GGCT: variants seen among roughly 807,000 people sequenced by gnomAD.
GGCT encodes gamma-glutamylcyclotransferase.
In GGCT, 20 loss-of-function variants were observed where a neutral mutation model predicts 22.1. That is an observed-to-expected ratio of 0.91 (90% confidence interval 0.64 to 1.32). The LOEUF (loss-of-function observed/expected upper bound fraction) is 1.32, where lower values mean the gene tolerates loss of function less well. GGCT is among the 40% of genes most tolerant of loss of function. The pLI is 0.00. For missense variants in GGCT, 209 were observed against 223.5 expected, an observed-to-expected ratio of 0.94 and a Z score of 0.41; for synonymous variants, 72 against 78.4, an observed-to-expected ratio of 0.92 and a Z score of 0.43.
chr7:30,497,576 C>T, intron 3 of GGCT: 1 of 411,732 alleles, frequency 2.4e-6, no homozygotes, highest in Non-Finnish European at 4.2e-6. Context: ...TTAAAGTTTA[C>T]AGAGAGCAGT....
chr7:30,504,778 G>A lies in GGCT; in HGVS notation c.-69C>T, dbSNP rs532016598. On this transcript the variant is annotated 5_prime_UTR_variant, in exon 1 of 4. Transcript: ENST00000275428. ...GAACGGCCAGAGAGCGCAACACTGG[G>A]GCCCACTACCCCGGCGCAGTGACCG... The A allele has an allele frequency of 1.3e-5, 20 of 1,506,050 alleles. No individual in the cohort carries two copies. The highest frequency in any genetic ancestry group is 2.3e-5 in the East Asian group (1 of 44,094). The allele number at this position is 1,506,050 out of a possible 1,614,324, so 93.3% of individuals were successfully genotyped here. A position where few individuals can be genotyped will look rare whatever the true frequency, so the allele number is the denominator to read the frequency against.
In GGCT at chr7:30,504,796, A is replaced by G; in HGVS notation, c.-87T>C. ...ACACTGGGGCCCACTACCCCGGCGC[A>G]GTGACCGCCGCGCGGCAGCCTCAGG... is the stretch of plus-strand genomic sequence containing the variant. On this transcript the variant is annotated 5_prime_UTR_variant, in exon 1 of 4. Transcript: ENST00000275428. The G allele has an allele frequency of 2.2e-6, 3 of 1,368,726 alleles. No individual in the cohort carries two copies. The highest frequency in any genetic ancestry group is 2.8e-5 in the African/African-American group (2 of 70,518). The allele number at this position is 1,368,726 out of a possible 1,614,324, so 84.8% of individuals were successfully genotyped here.
rs968213508 is a variant in GGCT, at chr7:30,499,137, T to C, written c.288-199A>G. 14 of 584,004 alleles carry C rather than the reference T, an allele frequency of 2.4e-5. No homozygotes were observed. The East Asian group carries it at 2.9e-4, about 12-fold the overall frequency. 36.2% of individuals were successfully genotyped at this position (584,004 alleles called of 1,614,324 possible). A position where few individuals can be genotyped will look rare whatever the true frequency, so the allele number is the denominator to read the frequency against. ...AAGTAAGCTTAGCATTTAGGCTGGGTACGGTGGCTCACATCTGTAATCCCA... is the reference window on the plus strand; with the variant it reads ...AAGTAAGCTTAGCATTTAGGCTGGGCACGGTGGCTCACATCTGTAATCCCA... On this transcript the variant is annotated intron_variant, in intron 2 of 3. Transcript: ENST00000275428.
In GGCT at chr7:30,504,697, C is replaced by T. The variant is rs1272240500; in HGVS notation, c.13G>A (p.Gly5Ser). The change falls in exon 1 of 4, where the codon GGC (glycine) becomes AGC (serine). Residue 5 changes from glycine to serine, a missense_variant. Transcript: ENST00000275428. ...TCTGGACCCGTGACGTCCTTGCAGCCCGAGTTGGCCATATCCCACTACGCC... is the reference window on the plus strand; with the variant it reads ...TCTGGACCCGTGACGTCCTTGCAGCTCGAGTTGGCCATATCCCACTACGCC... MANS[G>S]CKDVTGPDEE... 5 of 1,614,112 alleles carry T rather than the reference C, an allele frequency of 3.1e-6. No individual in the cohort carries two copies. The highest frequency in any genetic ancestry group is 4.2e-6 in the Non-Finnish European group (5 of 1,179,958).
At chr7:30,499,761 G>A (rs189760260) in intron 2 of GGCT, among the ~76,000 whole-genome samples, 258 of 150,422 alleles carry the variant, frequency 1.7e-3, no homozygotes, top group Non-Finnish European at 3.1e-3. Flanking sequence ...GAAGGCCTGA[G>A]ACATAATATT....
chr7:30,500,797 T>A (rs182045199), intron 1 of GGCT, 116 bp from the exon 2 acceptor site: 285 of 713,804 alleles, frequency 4.0e-4, no homozygotes, highest in Middle Eastern at 1.2e-3. Flanking sequence ...ATAAACTGAG[T>A]TCCTTCTATG....
intron 1 of GGCT, 116 bp downstream of exon 1, chr7:30,504,453 T>C (rs1042356522): frequency 1.2e-5 from 15 of 1,233,166 alleles, no homozygotes; most frequent in Non-Finnish European, 1.6e-5. Flanking sequence ...AGCCGCGTCC[T>C]AGTACCCTCA....
rs538135886 is a variant in GGCT, at chr7:30,497,350, T to C, written c.424-115A>G. On this transcript the variant is annotated intron_variant, in intron 3 of 3. Coordinates refer to ENST00000275428, the MANE Select transcript of GGCT (RefSeq NM_024051.4). ...AAAGTATGAAGTATTAGCTTTCAGA[T>C]AACTCTAGAATAAACAATTATATAA... 4.4e-6 allele frequency: 3 copies of C among 683,712 alleles called. No homozygotes were observed. The Admixed American group carries it at 9.4e-5, about 21-fold the overall frequency. 42.4% of individuals were successfully genotyped at this position (683,712 alleles called of 1,614,324 possible). A position where few individuals can be genotyped will look rare whatever the true frequency, so the allele number is the denominator to read the frequency against.
chr7:30,498,614 T>A (rs1459562152), intron 3 of GGCT, among the ~76,000 whole-genome samples, 189 bp downstream of exon 3: 1 of 152,166 alleles, frequency 6.6e-6, no homozygotes, highest in East Asian at 1.9e-4. Context: ...AGATGAGGTT[T>A]CACCACGTTG....
chr7:30,500,784 T>A lies in GGCT; in HGVS notation c.142-103A>T. The A allele has an allele frequency of 4.9e-6, 4 of 808,558 alleles. 1 individual carries two copies. In the South Asian group the frequency reaches 5.3e-5, roughly 11 times the overall value. 50.1% of individuals were successfully genotyped at this position (808,558 alleles called of 1,614,324 possible). A position where few individuals can be genotyped will look rare whatever the true frequency, so the allele number is the denominator to read the frequency against. On this transcript the variant is annotated intron_variant, in intron 1 of 3. Coordinates refer to ENST00000275428, the MANE Select transcript of GGCT (RefSeq NM_024051.4). ...CTTGAACTCCATGCAATTAAAACAG[T>A]CAATAAACTGAGTTCCTTCTATGCA... is the stretch of plus-strand genomic sequence containing the variant.
chr7:30,504,028 G>A (rs978922900), intron 1 of GGCT, among the ~76,000 whole-genome samples: 1 of 152,116 alleles, frequency 6.6e-6, no homozygotes, highest in African/African-American at 2.4e-5. Context: ...TGAATGGACT[G>A]GGCTGAAGAG....
intron 3 of GGCT, 99 bp downstream of exon 3, chr7:30,498,704 C>T: frequency 1.9e-6 from 2 of 1,073,854 alleles, no homozygotes; most frequent in Non-Finnish European, 2.8e-6. Flanking sequence ...CAGGCATGAG[C>T]CACCACGTTG....
Position 30,496,947 on chromosome 7 carries a change from A to T in GGCT, c.*145T>A. ...TCCCAGTTTCTTTTTATAGTCTAAA[A>T]ACAAGGAATCACCCAAGTAAGATAC... On this transcript the variant is annotated 3_prime_UTR_variant, in exon 4 of 4. Coordinates refer to ENST00000275428, the MANE Select transcript of GGCT (RefSeq NM_024051.4). 1 of 506,210 alleles carries T rather than the reference A, an allele frequency of 2.0e-6. No homozygotes were observed. Among genetic ancestry groups the T allele is most frequent in the South Asian group, 3.8e-5 (1 of 26,484 alleles). 31.4% of individuals were successfully genotyped at this position (506,210 alleles called of 1,614,324 possible).
chr7:30,497,899 A>C, intron 3 of GGCT: 1 of 1,397,012 alleles, frequency 7.2e-7, no homozygotes, highest in Non-Finnish European at 9.5e-7. Flanking sequence ...TTCTCCACCT[A>C]GGGATGAAAA....
chr7:30,502,744 T>C (rs1789732703), intron 1 of GGCT, among the ~76,000 whole-genome samples: 1 of 152,216 alleles, frequency 6.6e-6, no homozygotes, highest in South Asian at 2.1e-4. Flanking sequence ...AAATTAGTTC[T>C]CAAATCCATC....
At chr7:30,502,098 C>T (rs1789716281) in intron 1 of GGCT, among the ~76,000 whole-genome samples, 1 of 152,242 alleles carries the variant, frequency 6.6e-6, no homozygotes, top group South Asian at 2.1e-4. Flanking sequence ...CCTTTGCCAA[C>T]TCCTCCTCCA....
chr7:30,504,765 A>C lies in GGCT; in HGVS notation c.-56T>G, dbSNP rs1789795806. The C allele has an allele frequency of 6.4e-7, 1 of 1,568,962 alleles. No individual in the cohort carries two copies. Among genetic ancestry groups the C allele is most frequent in the African/African-American group, 1.3e-5 (1 of 74,114 alleles). ...AGCAGAGTGTAAGGAACGGCCAGAG[A>C]GCGCAACACTGGGGCCCACTACCCC... On this transcript the variant is annotated 5_prime_UTR_variant, in exon 1 of 4. Transcript: ENST00000275428.
intron 1 of GGCT, among the ~76,000 whole-genome samples, chr7:30,503,781 CTTTTTTTTTT>C (rs58105855): frequency 2.0e-4 from 14 of 68,562 alleles, no homozygotes; most frequent in African/African-American, 2.5e-4. Flanking sequence ...TCAACACATT[CTTTTTTTTTT>C]TTTTTTTTTT....
intron 3 of GGCT, chr7:30,498,025 A>ATATATATATATATG (rs1212477238): frequency 4.4e-6 from 1 of 226,418 alleles, no homozygotes; most frequent in East Asian, 6.6e-5. Context: ...ATATATATAG[A>ATATATATATATATG]TACACACACA....
Sources: allele counts gnomAD v4.1 joint callset (sites outside exome capture counted in the v4.1 genomes callset), GRCh38; gene constraint gnomAD v4.1.1; transcripts MANE v1.5; gene names NCBI Gene and HGNC (gene_info 2026-07-23, HGNC 2026-07-21).